The following PTPRS variants were observed in gnomAD, a reference collection of about 807,000 sequenced individuals.
The protein encoded by PTPRS is protein tyrosine phosphatase receptor type S.
Under a neutral mutation model 215.3 loss-of-function variants are expected in PTPRS, and 63 were observed. That is an observed-to-expected ratio of 0.29 (90% CI 0.24 to 0.36). The LOEUF is 0.36. Ranked by LOEUF, PTPRS falls within the 10% of genes least tolerant of loss-of-function variation. PTPRS has a pLI of 1.00. For synonymous variants in PTPRS, 1,404 were observed against 1,191.4 expected (o/e 1.18, Z -3.68); for missense variants, 2,258 against 2,825.8 (o/e 0.80, Z 4.56).
At position 5,214,755 on chromosome 19, in the gene PTPRS, G is replaced by GC; in HGVS notation, c.4319-20dup. 1.9e-6 allele frequency: 3 copies of GC among 1,588,492 alleles called. No individual in the cohort carries two copies. Among genetic ancestry groups the GC allele is most frequent in the Non-Finnish European group, 2.6e-6 (3 of 1,162,194 alleles). On this transcript the variant is annotated intron_variant, in intron 28 of 37. Transcript: ENST00000262963. ...ATGATGCCTGCAGCCAGGGCGAGAG[G>GC]CCAGGGATCTGTGGGGGCTGTCTTG...
Position 5,295,506 on chromosome 19 carries a change from C to T in PTPRS, c.-94-9272G>A, listed in dbSNP as rs79810017. Among the ~76,000 whole-genome samples the T allele has an allele frequency of 0.11, 16,760 of 152,148 alleles. 1,200 individuals are homozygous for T. The highest frequency in any genetic ancestry group is 0.23 in the Admixed American group (3,550 of 15,278). The stretch of plus-strand genomic sequence containing the variant: ...TGGGTGGCCCCATCAGCACAGAGCC[C>T]TACATGCGCCTAGTCCCCGGGTCTG... On this transcript the variant is annotated intron_variant, in intron 1 of 37. Coordinates refer to ENST00000262963, the MANE Select transcript of PTPRS (RefSeq NM_002850.4). The surrounding 1 kb of genome is among the most constrained non-coding windows in gnomAD (Gnocchi z 4.6).
chr19:5,267,310 G>C (rs1386153056), intron 4 of PTPRS, among the ~76,000 whole-genome samples: 2 of 152,126 alleles, frequency 1.3e-5, no homozygotes, highest in East Asian at 3.9e-4. Context: ...CTGGGCTGAG[G>C]TGATGAGGTG....
In PTPRS at chr19:5,294,847, G is replaced by C. The variant is rs745699323; in HGVS notation, c.-94-8613C>G. Reference sequence around the variant, plus strand: ...GCTCCCTGCCTGCCCCTTTGACACAGAGCACACAGGAGGTGCTAAACACAG... The same window carrying C: ...GCTCCCTGCCTGCCCCTTTGACACACAGCACACAGGAGGTGCTAAACACAG... On this transcript the variant is annotated intron_variant, in intron 1 of 37. Coordinates refer to ENST00000262963, the MANE Select transcript of PTPRS (RefSeq NM_002850.4). The surrounding 1 kb of genome is among the most constrained non-coding windows in gnomAD (Gnocchi z 5.1). Among the ~76,000 whole-genome samples, 3 of 152,216 alleles carry C rather than the reference G, an allele frequency of 2.0e-5. No homozygotes were observed. The highest frequency in any genetic ancestry group is 4.4e-5 in the Non-Finnish European group (3 of 68,040).
intron 1 of PTPRS, among the ~76,000 whole-genome samples, chr19:5,330,373 G>T (rs1301970561): frequency 6.6e-6 from 1 of 152,236 alleles, no homozygotes; most frequent in Non-Finnish European, 1.5e-5. Context: ...AGGAGGAAAT[G>T]AGAAAACACA....
At chr19:5,213,648 AATGTATAACATATG>A (rs2041141356) in intron 30 of PTPRS, among the ~76,000 whole-genome samples, 1 of 54,480 alleles carries the variant, frequency 1.8e-5, no homozygotes, top group Non-Finnish European at 5.1e-5. Flanking sequence ...ACATATGCTT[AATGTATAACATATG>A]CTTAATGTGT....
At chr19:5,217,105 G>A (rs950359289) in intron 25 of PTPRS, among the ~76,000 whole-genome samples, 15 of 152,248 alleles carry the variant, frequency 9.9e-5, no homozygotes, top group Admixed American at 7.2e-4. Context: ...GAGGAAGGAG[G>A]ATGCAGGATG....
In PTPRS at chr19:5,243,911, C is replaced by T. The variant is rs370831838; in HGVS notation, c.1560G>A (p.Thr520=). The T allele has an allele frequency of 1.2e-5, 18 of 1,519,310 alleles. No homozygotes were observed. Among genetic ancestry groups the T allele is most frequent in the African/African-American group, 8.2e-5 (6 of 73,342 alleles). 94.1% of individuals were successfully genotyped at this position (1,519,310 alleles called of 1,614,324 possible). The change falls in exon 11 of 38, where the codon ACG becomes ACA. Residue 520 remains threonine, a synonymous_variant. Coordinates refer to ENST00000262963, the MANE Select transcript of PTPRS (RefSeq NM_002850.4). ...GACCCCACGCCTCACCTCCCTGCTG[C>T]GTCTTGACCTGGATGGGGTCCGAGA... ...GPLSDPIQVK[T]QQGVPGQPMN...
chr19:5,271,355 C>T (rs902337874), intron 4 of PTPRS, among the ~76,000 whole-genome samples: 1 of 151,840 alleles, frequency 6.6e-6, no homozygotes, highest in African/African-American at 2.4e-5. Flanking sequence ...ATCTGGTTCA[C>T]GGAATTACCC....
chr19:5,276,940 C>G (rs544042561), intron 2 of PTPRS, among the ~76,000 whole-genome samples: 1 of 151,988 alleles, frequency 6.6e-6, no homozygotes, highest in African/African-American at 2.4e-5. Flanking sequence ...TCCTTTTTAT[C>G]GACTATTTTT....
At chr19:5,322,705 C>A (rs1418435090) in intron 1 of PTPRS, among the ~76,000 whole-genome samples, 2 of 151,794 alleles carry the variant, frequency 1.3e-5, no homozygotes, top group African/African-American at 2.4e-5. Context: ...CATGGTGAAA[C>A]CCTGCCTCTA....
Position 5,210,881 on chromosome 19 carries a change from G to A in PTPRS, c.5235-76C>T, listed in dbSNP as rs952948400. On this transcript the variant is annotated intron_variant, in intron 33 of 37. Coordinates refer to ENST00000262963, the MANE Select transcript of PTPRS (RefSeq NM_002850.4). This position sits in a 1 kb window ranked among gnomAD's most constrained non-coding sequence, Gnocchi z 4.5. Reference sequence around the variant, plus strand: ...GTACTCACCTGATGCTGCCCGGGAGGGTCAGGACCAAGCCAGTGACAGCTA... The same window carrying A: ...GTACTCACCTGATGCTGCCCGGGAGAGTCAGGACCAAGCCAGTGACAGCTA... The A allele has an allele frequency of 1.0e-4, 157 of 1,543,528 alleles. No individual in the cohort carries two copies. The highest frequency in any genetic ancestry group is 1.3e-4 in the Non-Finnish European group (153 of 1,148,668).
chr19:5,310,945 C>T (rs746367819), intron 1 of PTPRS, among the ~76,000 whole-genome samples: 11 of 151,906 alleles, frequency 7.2e-5, no homozygotes, highest in Admixed American at 1.3e-4. Context: ...CGTGCAGTGG[C>T]GTGATCTCAC....
chr19:5,273,511 C>A lies in PTPRS; in HGVS notation c.310G>T (p.Val104Leu), dbSNP rs745579115. Residue 104 changes from valine (V) to leucine (L), a missense_variant, in exon 4 of 38, where the codon GTG (valine) becomes TTG (leucine). Physicochemically the swap from Val to Leu is conservative, Grantham distance 32. This residue lies in a region of PTPRS where 508 missense variants were observed against 799.4 expected (regional missense o/e 0.64). Transcript: ENST00000262963. ...QPLRTPRDEN[V>L]YECVAQNSVG... The stretch of plus-strand genomic sequence containing the variant: ...GAGTTCTGGGCCACACACTCGTACA[C>A]GTTTTCATCCCGCGGTGTCCTCAGC... 1 of 1,614,174 alleles carries A rather than the reference C, an allele frequency of 6.2e-7. No homozygotes were observed. Among genetic ancestry groups the A allele is most frequent in the South Asian group, 1.1e-5 (1 of 91,084 alleles).
At chr19:5,285,977 C>G in intron 2 of PTPRS, 73 bp downstream of exon 2, 1 of 1,423,786 alleles carries the variant, frequency 7.0e-7, no homozygotes, top group South Asian at 1.2e-5. Flanking sequence ...AGTGTGCCCA[C>G]ACACACACAG....
intron 1 of PTPRS, among the ~76,000 whole-genome samples, chr19:5,309,005 G>C (rs974285417): frequency 6.6e-6 from 1 of 152,178 alleles, no homozygotes; most frequent in Non-Finnish European, 1.5e-5. Flanking sequence ...TGCTCACCAA[G>C]ACCCCCTGGC....
chr19:5,286,337 G>C (rs8103500), intron 1 of PTPRS, 103 bp from the exon 2 acceptor site: 1 of 607,946 alleles, frequency 1.6e-6, no homozygotes, highest in Non-Finnish European at 3.0e-6. Context: ...AGGGTCCTGC[G>C]GGGGCTGGTC....
chr19:5,270,133 C>T (rs923908230), intron 4 of PTPRS, among the ~76,000 whole-genome samples: 6 of 152,152 alleles, frequency 3.9e-5, no homozygotes, highest in African/African-American at 1.2e-4. Context: ...AAGAGCAGGG[C>T]GGGCCACGGT....
intron 2 of PTPRS, among the ~76,000 whole-genome samples, chr19:5,282,111 T>A (rs1268480332): frequency 6.6e-6 from 1 of 151,948 alleles, no homozygotes; most frequent in Non-Finnish European, 1.5e-5. Flanking sequence ...CTTGGTTCCC[T>A]GGGACCTCAG....
intron 1 of PTPRS, among the ~76,000 whole-genome samples, chr19:5,329,770 A>C (rs1271679904): frequency 6.7e-6 from 1 of 148,770 alleles, no homozygotes; most frequent in East Asian, 2.0e-4. Context: ...ATCTCCTAAA[A>C]AAAAAAAAAA....
Sources: allele counts gnomAD v4.1 joint callset (sites outside exome capture counted in the v4.1 genomes callset), GRCh38; gene constraint gnomAD v4.1.1; regional missense constraint gnomAD v4.1.1; non-coding constraint Gnocchi (gnomAD v3.1); transcripts MANE v1.5; gene names NCBI Gene and HGNC (gene_info 2026-07-23, HGNC 2026-07-21).